Variants in PPL observed in about 807,000 individuals in gnomAD.
The protein encoded by PPL is 190 kDa paraneoplastic pemphigus antigen.
PPL carries 198 observed loss-of-function variants against 194.4 expected under a neutral mutation model. That is an observed-to-expected ratio of 1.02 (90% CI 0.91 to 1.15). The LOEUF is 1.15. Among genes scored for constraint, PPL ranks in the 50% most tolerant of loss-of-function variants. The pLI is 0.00. For synonymous variants in PPL, 1,220 were observed against 972.4 expected (o/e 1.25, Z -4.74); for missense variants, 2,885 against 2,294.8 (o/e 1.26, Z -5.25).
At chr16:4,900,389 C>A (rs555253101) in intron 6 of PPL, among the ~76,000 whole-genome samples, 1 of 147,812 alleles carries the variant, frequency 6.8e-6, no homozygotes, top group Non-Finnish European at 1.5e-5. Context: ...GGGCACCTCT[C>A]TTCCCGCCTC....
chr16:4,901,755 T>A (rs1461267930), intron 4 of PPL, among the ~76,000 whole-genome samples: 1 of 150,538 alleles, frequency 6.6e-6, no homozygotes, highest in African/African-American at 2.5e-5. Context: ...GCCTGGCCAA[T>A]GTGGCAAAGC....
rs9934981 is a variant in PPL at position 4,885,694 on chromosome 16, G to T, written c.2961C>A (p.Asp987Glu). Residue 987 changes from aspartate to glutamate, a missense_variant, in exon 22 of 22, where the codon GAC (aspartate) becomes GAA (glutamate). Transcript: ENST00000345988. This position sits in a 1 kb window ranked among gnomAD's most constrained non-coding sequence, Gnocchi z 6.3. ...QLRALEQETR[D>E]GGQEYVVKEV... ...CCTTGACCACGTACTCCTGCCCCCCGTCTCTGGTCTCCTGCTCCAGGGCAC... is the reference window on the plus strand; with the variant it reads ...CCTTGACCACGTACTCCTGCCCCCCTTCTCTGGTCTCCTGCTCCAGGGCAC... The T allele has an allele frequency of 1.2e-6, 2 of 1,613,344 alleles. No individual in the cohort carries two copies. Among genetic ancestry groups the T allele is most frequent in the South Asian group, 1.1e-5 (1 of 91,052 alleles).
Position 4,885,165 on chromosome 16 carries a change from C to G in PPL, c.3490G>C (p.Glu1164Gln). 6.2e-7 allele frequency: 1 copy of G among 1,613,886 alleles called. No individual in the cohort carries two copies. Among genetic ancestry groups the G allele is most frequent in the Non-Finnish European group, 8.5e-7 (1 of 1,179,882 alleles). ...LLRKIWALEE[E>Q]NAKVVVQEKV... is the part of the protein sequence containing the mutation. Reference sequence around the variant, plus strand: ...TCCTGCACCACCACTTTGGCGTTCTCCTCCTCCAAGGCCCATATCTTTCGG... The same window carrying G: ...TCCTGCACCACCACTTTGGCGTTCTGCTCCTCCAAGGCCCATATCTTTCGG... Residue 1164 changes from glutamate (E) to glutamine (Q), a missense_variant, in exon 22 of 22, where the codon GAG becomes CAG. Glu to Gln is a conservative substitution (Grantham distance 29). Transcript: ENST00000345988. The surrounding 1 kb of genome is among the most constrained non-coding windows in gnomAD (Gnocchi z 6.3).
chr16:4,931,863 C>A (rs1371542348), intron 1 of PPL, among the ~76,000 whole-genome samples: 1 of 152,240 alleles, frequency 6.6e-6, no homozygotes. Context: ...AGCAGCTGTT[C>A]CTCCAGGTAA....
chr16:4,926,898 A>AAAAC (rs2089165521), intron 1 of PPL, among the ~76,000 whole-genome samples: 2 of 150,642 alleles, frequency 1.3e-5, no homozygotes, highest in Non-Finnish European at 3.0e-5. Flanking sequence ...AAAAACAAAA[A>AAAAC]AAAACCAAAA....
chr16:4,906,944 A>C (rs1213519639), intron 2 of PPL, among the ~76,000 whole-genome samples: 5 of 152,184 alleles, frequency 3.3e-5, no homozygotes, highest in African/African-American at 1.2e-4. Flanking sequence ...TTGATAAAAA[A>C]GTTTTTTAAA....
intron 2 of PPL, among the ~76,000 whole-genome samples, chr16:4,910,462 G>C (rs1274987600): frequency 1.3e-5 from 2 of 152,126 alleles, no homozygotes; most frequent in African/African-American, 4.8e-5. Flanking sequence ...GACAAGGCTG[G>C]GCTGTTTCCA....
rs780503007 is a variant in PPL at position 4,902,542 on chromosome 16, C to A, written c.318-16G>T. On this transcript the variant is annotated splice_polypyrimidine_tract_variant and intron_variant, in intron 3 of 21. Transcript: ENST00000345988. The surrounding 1 kb of genome is among the most constrained non-coding windows in gnomAD (Gnocchi z 4.0). ...CTGGCGGATACTGATGGGAGAGAGG[C>A]TCCCACTTAGTGGGGCTGGTTGGCA... 1.2e-6 allele frequency: 2 copies of A among 1,610,754 alleles called. No homozygotes were observed. Among genetic ancestry groups the A allele is most frequent in the Non-Finnish European group, 8.5e-7 (1 of 1,178,350 alleles).
intron 1 of PPL, among the ~76,000 whole-genome samples, chr16:4,930,119 G>C (rs954610373): frequency 6.6e-6 from 1 of 152,166 alleles, no homozygotes; most frequent in Non-Finnish European, 1.5e-5. Context: ...CTTGCTCACT[G>C]TCATGCCTTT....
chr16:4,922,198 G>T (rs758299891), intron 1 of PPL, among the ~76,000 whole-genome samples: 2 of 152,170 alleles, frequency 1.3e-5, no homozygotes, highest in Non-Finnish European at 2.9e-5. Flanking sequence ...GCCTCTCTGA[G>T]CCTCAGTTTC....
At chr16:4,911,720 T>G (rs1312294364) in intron 1 of PPL, among the ~76,000 whole-genome samples, 1 of 151,826 alleles carries the variant, frequency 6.6e-6, no homozygotes, top group East Asian at 1.9e-4. Flanking sequence ...TTTCTTTTGG[T>G]AGAGAAGGGG....
chr16:4,913,878 C>A (rs1039199458), intron 1 of PPL, among the ~76,000 whole-genome samples: 1 of 152,160 alleles, frequency 6.6e-6, no homozygotes, highest in Non-Finnish European at 1.5e-5. Context: ...CTGCTGTGTG[C>A]GGGCCCTGCA....
intron 1 of PPL, among the ~76,000 whole-genome samples, chr16:4,932,268 G>A (rs965683770): frequency 3.2e-5 from 1 of 31,066 alleles, no homozygotes; most frequent in Non-Finnish European, 1.5e-4. Context: ...AGAAATGGCG[G>A]GGCGGCTCTC....
chr16:4,893,128 C>A, intron 14 of PPL, 85 bp downstream of exon 14: 1 of 1,409,974 alleles, frequency 7.1e-7, no homozygotes, highest in Non-Finnish European at 9.3e-7. Context: ...CCCAAGACTC[C>A]ATGGGGAAAA....
intron 1 of PPL, among the ~76,000 whole-genome samples, chr16:4,929,066 G>A (rs912957179): frequency 3.5e-5 from 5 of 144,016 alleles, no homozygotes; most frequent in Non-Finnish European, 7.5e-5. Context: ...GTCCTGGAGC[G>A]AGTCACTCAA....
At position 4,901,101 on chromosome 16, in the gene PPL, G is replaced by A; in HGVS notation, c.439-12C>T. 1.2e-6 allele frequency: 2 copies of A among 1,613,746 alleles called. No individual in the cohort carries two copies. The highest frequency in any genetic ancestry group is 1.7e-6 in the Non-Finnish European group (2 of 1,179,838). ...TTGTTCAGCTTGTCCTGGCCAGGAG[G>A]GCAGAGAAGCAATAAGGAGAGGGTG... On this transcript the variant is annotated splice_polypyrimidine_tract_variant and intron_variant, in intron 4 of 21. Coordinates refer to ENST00000345988, the MANE Select transcript of PPL (RefSeq NM_002705.5).
chr16:4,929,053 A>G (rs1277731844), intron 1 of PPL, among the ~76,000 whole-genome samples: 1 of 144,876 alleles, frequency 6.9e-6, no homozygotes, highest in Non-Finnish European at 1.5e-5. Context: ...AGATCTGCCG[A>G]GAGTCCTGGA....
At chr16:4,906,806 G>A (rs1172509295) in intron 2 of PPL, among the ~76,000 whole-genome samples, 2 of 152,198 alleles carry the variant, frequency 1.3e-5, no homozygotes, top group Non-Finnish European at 2.9e-5. Context: ...GAGATGGCCC[G>A]GGAGCTTTCT....
At chr16:4,918,695 G>A (rs1445157714) in intron 1 of PPL, among the ~76,000 whole-genome samples, 2 of 152,172 alleles carry the variant, frequency 1.3e-5, no homozygotes, top group African/African-American at 4.8e-5. Flanking sequence ...TTCGAATCCA[G>A]GCCTCCGGAA....
Sources: gnomAD v4.1 joint callset for allele counts (sites outside exome capture counted in the v4.1 genomes callset) on GRCh38, gnomAD v4.1.1 for gene constraint, Gnocchi (gnomAD v3.1) non-coding constraint, MANE v1.5 for transcripts, NCBI Gene and HGNC (gene_info 2026-07-23, HGNC 2026-07-21) for gene names.